SLC33A2: variants seen among roughly 807,000 people sequenced by gnomAD.
SLC33A2 encodes solute carrier family 33 member 2, also known as major facilitator superfamily domain containing 3.
At chr8:144,510,890 CCAGGGCCCTGCAGGTGAGTAG>C in the SLC33A2 span, 6 of 1,606,590 alleles carry the variant, frequency 3.7e-6, no homozygotes, top group South Asian at 5.5e-5. Context: ...CAGCTGGCCC[CCAGGGCCCTGCAGGTGAGTAG>C]ATGTAGCAGG....
chr8:144,509,375 G>A, the SLC33A2 span: 3 of 1,518,240 alleles, frequency 2.0e-6, no homozygotes, highest in African/African-American at 4.2e-5. Context: ...TCTACCTGGT[G>A]CAGGGCCTGC....
the SLC33A2 span, chr8:144,510,389 C>T: frequency 3.7e-6 from 6 of 1,612,696 alleles, no homozygotes; most frequent in East Asian, 1.3e-4. Context: ...CCTGTTTCCT[C>T]TTCTCCTGCT....
At chr8:144,510,748 G>C in the SLC33A2 span, 4 of 1,604,848 alleles carry the variant, frequency 2.5e-6, no homozygotes, top group Non-Finnish European at 3.4e-6. Context: ...TGAGGAGGAA[G>C]AGAGGGGCCA....
chr8:144,511,195 CAT>C, the SLC33A2 span: 4 of 1,597,504 alleles, frequency 2.5e-6, no homozygotes, highest in South Asian at 2.2e-5. Flanking sequence ...AATAAAGCCA[CAT>C]GTGCCTGTGG....
the SLC33A2 span, chr8:144,510,622 G>A: frequency 1.2e-5 from 19 of 1,569,574 alleles, no homozygotes; most frequent in East Asian, 4.5e-5. Context: ...TGTTGAGGTC[G>A]GTGCTGCGCT....
chr8:144,511,054 G>A, the SLC33A2 span: 1 of 1,606,380 alleles, frequency 6.2e-7, no homozygotes, highest in South Asian at 1.1e-5. Context: ...GGGCACTCTG[G>A]CCGGAGGCCT....
At chr8:144,511,131 G>C in the SLC33A2 span, 2 of 1,610,622 alleles carry the variant, frequency 1.2e-6, no homozygotes, top group Non-Finnish European at 1.7e-6. Context: ...TTCCCGTTCT[G>C]TACCTGGACC....
the SLC33A2 span, chr8:144,509,530 C>T: frequency 3.3e-6 from 5 of 1,525,980 alleles, no homozygotes; most frequent in Non-Finnish European, 3.5e-6. Context: ...CAGGGCTCGG[C>T]GAGGGCCTGG....
the SLC33A2 span, chr8:144,509,260 C>T: frequency 1.4e-6 from 2 of 1,389,464 alleles, no homozygotes; most frequent in African/African-American, 1.5e-5. Flanking sequence ...TCTGACCCCA[C>T]GCGGAGGGGA....
chr8:144,511,136 T>A, the SLC33A2 span: 1 of 1,610,690 alleles, frequency 6.2e-7, no homozygotes, highest in South Asian at 1.1e-5. Context: ...GTTCTGTACC[T>A]GGACCTAGCA....
the SLC33A2 span, chr8:144,509,970 C>T: frequency 5.0e-6 from 8 of 1,595,978 alleles, no homozygotes; most frequent in Admixed American, 1.3e-4. Context: ...GCTAGCCGTG[C>T]CGGGGACCGT....
At chr8:144,511,089 C>G in the SLC33A2 span, 3 of 1,609,464 alleles carry the variant, frequency 1.9e-6, no homozygotes, top group Non-Finnish European at 2.5e-6. Flanking sequence ...GGCCACATCC[C>G]TGCTTCTTGC....
the SLC33A2 span, chr8:144,510,835 G>C: frequency 6.8e-5 from 109 of 1,610,838 alleles, no homozygotes; most frequent in Non-Finnish European, 8.3e-5. Flanking sequence ...CTTCTTGGGA[G>C]GCCTGGTCAC....
the SLC33A2 span, chr8:144,509,595 C>T: frequency 6.5e-7 from 1 of 1,541,492 alleles, no homozygotes; most frequent in South Asian, 1.2e-5. Flanking sequence ...TGCCGGGCTG[C>T]CCCCTCCTGG....
the SLC33A2 span, chr8:144,510,537 C>T: frequency 2.5e-6 from 4 of 1,611,826 alleles, no homozygotes; most frequent in Non-Finnish European, 3.4e-6. Flanking sequence ...CCCTGCCCAC[C>T]CACTTGTACC....
the SLC33A2 span, chr8:144,510,141 C>A: frequency 7.5e-7 from 1 of 1,325,056 alleles, no homozygotes; most frequent in Non-Finnish European, 1.0e-6. Context: ...CAAGACTTGG[C>A]CCTGACATCC....
At chr8:144,509,258 C>T in the SLC33A2 span, 1 of 1,384,412 alleles carries the variant, frequency 7.2e-7, no homozygotes, top group Non-Finnish European at 9.4e-7. Context: ...CCTCTGACCC[C>T]ACGCGGAGGG....
the SLC33A2 span, chr8:144,510,272 C>G: frequency 6.4e-7 from 1 of 1,560,492 alleles, no homozygotes; most frequent in Non-Finnish European, 8.7e-7. Context: ...CTGAGGAGAG[C>G]AGGGCAGGAC....
the SLC33A2 span, chr8:144,509,272 C>G: frequency 7.1e-7 from 1 of 1,412,698 alleles, no homozygotes; most frequent in African/African-American, 1.5e-5. Context: ...CGGAGGGGAC[C>G]TCGCCTTGCG....
Sources: gnomAD v4.1 joint callset for allele counts on GRCh38, gnomAD v4.1.1 for gene constraint, MANE v1.5 for transcripts, NCBI Gene and HGNC (gene_info 2026-07-23, HGNC 2026-07-21) for gene names.